SPATA6L: variants seen among roughly 807,000 people sequenced by gnomAD.
SPATA6L encodes spermatogenesis associated 6-like protein.
SPATA6L carries 68 observed loss-of-function variants against 49.2 expected under a neutral mutation model. The ratio of observed to expected loss-of-function variants is 1.38; its 90% CI spans 1.14 to 1.69. SPATA6L has a LOEUF of 1.69. Ranked by LOEUF, SPATA6L falls within the 40% of genes most tolerant of loss-of-function variation. SPATA6L has a pLI of 0.00. For missense variants in SPATA6L, 668 were observed against 464.3 expected (o/e 1.44, Z -4.03); for synonymous variants, 198 against 165.7 (o/e 1.19, Z -1.50).
At chr9:4,653,463 T>C (rs1488762580) in intron 3 of SPATA6L, among the ~76,000 whole-genome samples, 3 of 152,164 alleles carry the variant, frequency 2.0e-5, no homozygotes, top group Non-Finnish European at 4.4e-5. Flanking sequence ...TTCTTAGATA[T>C]GACACCAAAA....
intron 3 of SPATA6L, among the ~76,000 whole-genome samples, chr9:4,652,064 A>C (rs1472244630): frequency 1.3e-5 from 2 of 152,240 alleles, no homozygotes; most frequent in East Asian, 3.8e-4. Flanking sequence ...AGGAATCAGC[A>C]AAAAACTACT....
chr9:4,639,929 C>CG (rs537718078), intron 3 of SPATA6L, among the ~76,000 whole-genome samples: 94 of 152,308 alleles, frequency 6.2e-4, no homozygotes, highest in African/African-American at 2.2e-3. Context: ...TGATGCCACA[C>CG]GGCTAGTGAT....
Position 4,600,491 on chromosome 9 carries a change from G to GAGAGA in SPATA6L, c.*319_*320insTCTCT, listed in dbSNP as rs1564096426. ...AGAGAGACAGAGAGAGCCAGAGAGA[G>GAGAGA]CCAGAGAGAGAGAGAGGGGAAGTGT... On this transcript the variant is annotated 3_prime_UTR_variant, in exon 12 of 12. Transcript: ENST00000682582. 1 of 144,558 alleles carries GAGAGA rather than the reference G, an allele frequency of 6.9e-6. No individual in the cohort carries two copies. Among genetic ancestry groups the GAGAGA allele is most frequent in the African/African-American group, 2.5e-5 (1 of 39,426 alleles). 9.0% of individuals were successfully genotyped at this position (144,558 alleles called of 1,614,324 possible). A position where few individuals can be genotyped will look rare whatever the true frequency, so the allele number is the denominator to read the frequency against.
chr9:4,648,568 C>A (rs1053370023), intron 3 of SPATA6L, among the ~76,000 whole-genome samples: 1 of 151,694 alleles, frequency 6.6e-6, no homozygotes, highest in African/African-American at 2.4e-5. Flanking sequence ...GGCGTGGTGG[C>A]GGGAGCCTGT....
intron 3 of SPATA6L, among the ~76,000 whole-genome samples, chr9:4,641,369 T>C (rs1475954815): frequency 1.3e-5 from 2 of 151,956 alleles, no homozygotes; most frequent in Non-Finnish European, 2.9e-5. Flanking sequence ...TTGCGGTGAG[T>C]TGGTCGAAGG....
chr9:4,647,605 A>G (rs1835703045), intron 3 of SPATA6L, among the ~76,000 whole-genome samples: 1 of 152,082 alleles, frequency 6.6e-6, no homozygotes. Context: ...CAAAACAAAC[A>G]AACAAAAAAT....
At position 4,600,360 on chromosome 9, in the gene SPATA6L, A is replaced by T. The variant is rs528816232; in HGVS notation, c.*451T>A. Among the ~76,000 whole-genome samples, 1 of 152,290 alleles carries T rather than the reference A, an allele frequency of 6.6e-6. No homozygotes were observed. The highest frequency in any genetic ancestry group is 2.4e-5 in the African/African-American group (1 of 41,556). On this transcript the variant is annotated 3_prime_UTR_variant, in exon 12 of 12. Transcript: ENST00000682582. The stretch of plus-strand genomic sequence containing the variant: ...AATAAACAAACAACAACAAAAACGG[A>T]TCTACCGAAAAGAGAAAGTCAGGTT...
chr9:4,651,038 T>C (rs1156549982), intron 3 of SPATA6L, among the ~76,000 whole-genome samples: 1 of 152,090 alleles, frequency 6.6e-6, no homozygotes, highest in Non-Finnish European at 1.5e-5. Flanking sequence ...AGTCCTGCTC[T>C]GTCACCCAAG....
intron 3 of SPATA6L, 118 bp downstream of exon 3, chr9:4,655,923 T>C (rs1838052168): frequency 6.1e-6 from 5 of 820,668 alleles, no homozygotes; most frequent in African/African-American, 1.7e-5. Context: ...TAGGCTGTCT[T>C]GAAATAAATA....
chr9:4,605,208 T>C (rs187310800), intron 10 of SPATA6L, 139 bp downstream of exon 10: 19 of 668,590 alleles, frequency 2.8e-5, no homozygotes, highest in African/African-American at 2.7e-4. Flanking sequence ...GGACAACAGG[T>C]AATCTCCTTG....
intron 3 of SPATA6L, among the ~76,000 whole-genome samples, chr9:4,647,778 T>C (rs1835743243): frequency 1.3e-5 from 2 of 151,454 alleles, no homozygotes; most frequent in South Asian, 2.1e-4. Context: ...ATTATAACAA[T>C]TAAAAAATCA....
intron 3 of SPATA6L, among the ~76,000 whole-genome samples, chr9:4,639,497 A>G (rs10974694): frequency 0.12 from 18,409 of 152,252 alleles, 1,560 homozygotes; most frequent in African/African-American, 0.23. Context: ...AAGGCTATGA[A>G]GCTTCTCAAG....
At chr9:4,622,688 A>G (rs939363219) in intron 6 of SPATA6L, among the ~76,000 whole-genome samples, 178 bp from the exon 7 acceptor site, 4 of 152,254 alleles carry the variant, frequency 2.6e-5, no homozygotes, top group Non-Finnish European at 5.9e-5. Flanking sequence ...TAAAAGGAGA[A>G]ACTGTTTGTC....
chr9:4,636,019 CT>C (rs1437499206), intron 3 of SPATA6L, among the ~76,000 whole-genome samples: 3 of 152,160 alleles, frequency 2.0e-5, no homozygotes, highest in Non-Finnish European at 4.4e-5. Context: ...TTCTTGCAGG[CT>C]AAAAACTATT....
chr9:4,589,412 C>T (rs1307800973), intron 13 of SPATA6L, among the ~76,000 whole-genome samples: 2 of 152,206 alleles, frequency 1.3e-5, no homozygotes, highest in East Asian at 3.8e-4. Flanking sequence ...AGGAATGAAG[C>T]TCCTACCACG....
chr9:4,635,574 AT>A (rs1269287842), intron 3 of SPATA6L, among the ~76,000 whole-genome samples, 175 bp from the exon 4 acceptor site: 1 of 152,150 alleles, frequency 6.6e-6, no homozygotes, highest in East Asian at 1.9e-4. Context: ...CTCGTGGATA[AT>A]TTTTTAAAGC....
intron 3 of SPATA6L, among the ~76,000 whole-genome samples, chr9:4,642,471 T>A (rs1834241657): frequency 6.6e-6 from 1 of 152,202 alleles, no homozygotes. Context: ...TATTCTTAAA[T>A]TCACAGAGTG....
At position 4,661,888 on chromosome 9, in the gene SPATA6L, G is replaced by C. The variant is rs375894540; in HGVS notation, c.177+11C>G. The C allele has an allele frequency of 2.4e-5, 39 of 1,612,938 alleles. No homozygotes were observed. In the African/African-American group the frequency reaches 4.0e-4, roughly 17 times the overall value. ...TCAGACAACAAAAGCCAATGAGAAA[G>C]TCAAGATCACCTTTTCAAATCTCAT... On this transcript the variant is annotated intron_variant, in intron 2 of 11. Coordinates refer to ENST00000682582, the MANE Select transcript of SPATA6L (RefSeq NM_001353486.2).
intron 8 of SPATA6L, among the ~76,000 whole-genome samples, chr9:4,618,563 C>T (rs1164129133): frequency 6.6e-6 from 1 of 152,174 alleles, no homozygotes; most frequent in Non-Finnish European, 1.5e-5. Context: ...TTTACCACCT[C>T]TATGTATAAA....
Sources: gnomAD v4.1 joint callset for allele counts (sites outside exome capture counted in the v4.1 genomes callset) on GRCh38, gnomAD v4.1.1 for gene constraint, MANE v1.5 for transcripts, NCBI Gene and HGNC (gene_info 2026-07-23, HGNC 2026-07-21) for gene names.